The following BCAS3 variants were observed in gnomAD, a reference collection of about 807,000 sequenced individuals.
The protein encoded by BCAS3 is BCAS3 microtubule associated cell migration factor.
Under a neutral mutation model 116.1 loss-of-function variants are expected in BCAS3, and 53 were observed. The observed-to-expected ratio is 0.46, with a 90% CI of 0.37 to 0.57. The LOEUF (loss-of-function observed/expected upper bound fraction) is 0.57. Among genes scored for constraint, BCAS3 ranks in the 20% least tolerant of loss-of-function variants. The pLI, the probability that BCAS3 is intolerant of heterozygous loss-of-function variation, is 0.00. For synonymous variants in BCAS3, 391 were observed against 408.2 expected (o/e 0.96, Z 0.51); for missense variants, 917 against 1,165.4 (o/e 0.79, Z 3.10).
At chr17:60,708,096 G>A (rs1396188683) in intron 4 of BCAS3, among the ~76,000 whole-genome samples, 1 of 152,072 alleles carries the variant, frequency 6.6e-6, no homozygotes, top group East Asian at 1.9e-4. Flanking sequence ...AGCCGAGGCA[G>A]GTGGATTGCT....
intron 7 of BCAS3, among the ~76,000 whole-genome samples, chr17:60,820,629 A>G (rs915014608): frequency 6.6e-6 from 1 of 152,248 alleles, no homozygotes; most frequent in Non-Finnish European, 1.5e-5. Flanking sequence ...TAGAACATTT[A>G]AAAGTTGTTT....
chr17:61,078,617 C>T (rs2072249443), intron 21 of BCAS3, 88 bp downstream of exon 21: 3 of 1,161,042 alleles, frequency 2.6e-6, no homozygotes, highest in South Asian at 3.1e-5. Flanking sequence ...TTAGGTTTCC[C>T]CTTTTGGCAC....
rs1416167135 is a variant in BCAS3, at chr17:61,356,678, G to A, written c.2426-11649G>A. On this transcript the variant is annotated intron_variant, in intron 22 of 23. Transcript: ENST00000407086. The surrounding 1 kb of genome is among the most constrained non-coding windows in gnomAD (Gnocchi z 5.4). Reference sequence around the variant, plus strand: ...GTAGGCAGGGGAGACAAAGAGGACAGGTAAAGGGACTTGATTTTAAAATCA... The same window carrying A: ...GTAGGCAGGGGAGACAAAGAGGACAAGTAAAGGGACTTGATTTTAAAATCA... Among the ~76,000 whole-genome samples, 1 of 152,222 alleles carries A rather than the reference G, an allele frequency of 6.6e-6. No individual in the cohort carries two copies. The highest frequency in any genetic ancestry group is 1.5e-5 in the Non-Finnish European group (1 of 68,046).
At chr17:60,952,637 T>C (rs761274040) in intron 14 of BCAS3, among the ~76,000 whole-genome samples, 2 of 152,110 alleles carry the variant, frequency 1.3e-5, no homozygotes, top group Non-Finnish European at 2.9e-5. Context: ...TTATTTTAAG[T>C]TCAGGGGTAC....
At position 61,391,847 on chromosome 17, in the gene BCAS3, G is replaced by A. The variant is rs189567255; in HGVS notation, c.2594-130G>A. The A allele has an allele frequency of 4.6e-4, 450 of 988,300 alleles. 1 individual carries two copies. The highest frequency in any genetic ancestry group is 3.1e-3 in the Middle Eastern group (13 of 4,128). 61.2% of individuals were successfully genotyped at this position (988,300 alleles called of 1,614,324 possible). A position where few individuals can be genotyped will look rare whatever the true frequency, so the allele number is the denominator to read the frequency against. ...CCCCCTGCCCATCCAGGGAGCAGGC[G>A]GGGATCCCCCTGCGGAAGGACACAA... On this transcript the variant is annotated intron_variant, in intron 23 of 23. Coordinates refer to ENST00000407086, the MANE Select transcript of BCAS3 (RefSeq NM_017679.5). The surrounding 1 kb of genome is among the most constrained non-coding windows in gnomAD (Gnocchi z 7.7).
chr17:60,858,246 G>C (rs1395489154), intron 7 of BCAS3, among the ~76,000 whole-genome samples: 1 of 152,128 alleles, frequency 6.6e-6, no homozygotes, highest in Non-Finnish European at 1.5e-5. Flanking sequence ...ATGCATTTGT[G>C]TAACTACCAT....
rs1366064532 is a variant in BCAS3 at position 61,095,225 on chromosome 17, GA to G, written c.2425+10662del. Among the ~76,000 whole-genome samples, 1 of 152,178 alleles carries G rather than the reference GA, an allele frequency of 6.6e-6. No homozygotes were observed. Among genetic ancestry groups the G allele is most frequent in the African/African-American group, 2.4e-5 (1 of 41,448 alleles). On this transcript the variant is annotated intron_variant, in intron 22 of 23. Coordinates refer to ENST00000407086, the MANE Select transcript of BCAS3 (RefSeq NM_017679.5). This position sits in a 1 kb window ranked among gnomAD's most constrained non-coding sequence, Gnocchi z 4.7. ...TCAACCAAAACAGCATATCAGAACA[GA>G]TAGAATGCAATAGCAGATATGAGAA...
intron 5 of BCAS3, among the ~76,000 whole-genome samples, chr17:60,745,181 T>C (rs867211927): frequency 6.6e-6 from 1 of 152,028 alleles, no homozygotes. Context: ...ATACTATAAT[T>C]TATTATAAGT....
Position 60,911,123 on chromosome 17 carries a change from C to CTTTCTTTT in BCAS3, c.993+424_993+425insCTTTTTTT, listed in dbSNP as rs1486274901. Among the ~76,000 whole-genome samples the CTTTCTTTT allele has an allele frequency of 1.5e-4, 13 of 88,268 alleles. 1 individual carries two copies. The highest frequency in any genetic ancestry group is 5.0e-4 in the African/African-American group (11 of 22,212). 57.9% of individuals were successfully genotyped at this position (88,268 alleles called of 152,430 possible). The stretch of plus-strand genomic sequence containing the variant: ...AATAAATTTTTTTCTTTTTTTCTTT[C>CTTTCTTTT]TTTTTTTTTTTTTTTTTGAGATGGA... On this transcript the variant is annotated intron_variant, in intron 12 of 23. Transcript: ENST00000407086.
chr17:61,042,318 C>A (rs1032513698), intron 19 of BCAS3, among the ~76,000 whole-genome samples: 3 of 151,926 alleles, frequency 2.0e-5, no homozygotes, highest in African/African-American at 7.2e-5. Context: ...CCTATTAAGT[C>A]TATTTAATAG....
intron 13 of BCAS3, among the ~76,000 whole-genome samples, chr17:60,928,965 C>T (rs1241630030): frequency 1.3e-5 from 2 of 152,162 alleles, no homozygotes; most frequent in Admixed American, 1.3e-4. Context: ...TTTGTAAATG[C>T]ATAGATACCT....
In BCAS3 at chr17:61,354,895, A is replaced by G. The variant is rs1035604469; in HGVS notation, c.2426-13432A>G. ...GGTCAACTCCAGTACCGGCAGGCAC[A>G]TCCGGGACCCTCCCCTTCAGGGCAG... On this transcript the variant is annotated intron_variant, in intron 22 of 23. Coordinates refer to ENST00000407086, the MANE Select transcript of BCAS3 (RefSeq NM_017679.5). The surrounding 1 kb of genome is among the most constrained non-coding windows in gnomAD (Gnocchi z 4.5). 4 of 152,294 alleles carry G rather than the reference A, an allele frequency of 2.6e-5. No individual in the cohort carries two copies. The highest frequency in any genetic ancestry group is 4.4e-5 in the Non-Finnish European group (3 of 68,100). The allele number at this position is 152,294 out of a possible 1,614,324, so 9.4% of individuals were successfully genotyped here.
intron 22 of BCAS3, among the ~76,000 whole-genome samples, chr17:61,085,108 A>G (rs2072974657): frequency 6.6e-6 from 1 of 152,204 alleles, no homozygotes; most frequent in South Asian, 2.1e-4. Flanking sequence ...ACAGAGAAGG[A>G]GATCTTTGCC....
At chr17:61,318,994 TC>T (rs1317692180) in intron 22 of BCAS3, among the ~76,000 whole-genome samples, 4 of 152,260 alleles carry the variant, frequency 2.6e-5, no homozygotes, top group Non-Finnish European at 4.4e-5. Context: ...AGCCATGTGA[TC>T]TTGAGCAAGC....
At chr17:61,153,410 T>C (rs2077650199) in intron 22 of BCAS3, among the ~76,000 whole-genome samples, 1 of 152,206 alleles carries the variant, frequency 6.6e-6, no homozygotes, top group Non-Finnish European at 1.5e-5. Context: ...TTACCTCTTT[T>C]TCTCTGTTTT....
rs569868469 is a variant in BCAS3, at chr17:61,029,144, G to C, written c.1638-5522G>C. 6.6e-6 allele frequency among the ~76,000 whole-genome samples: 1 copy of C among 151,878 alleles called. No homozygotes were observed. Among genetic ancestry groups the C allele is most frequent in the African/African-American group, 2.4e-5 (1 of 41,420 alleles). On this transcript the variant is annotated intron_variant, in intron 16 of 23. Transcript: ENST00000407086. This position sits in a 1 kb window ranked among gnomAD's most constrained non-coding sequence, Gnocchi z 5.2. ...AATATATGTATTTTGGATGAAAAAT[G>C]AAATTTTTAAATGAAATGTAAATTT...
Position 60,933,721 on chromosome 17 carries a change from A to G in BCAS3, c.1087+9221A>G, listed in dbSNP as rs545045209. On this transcript the variant is annotated intron_variant, in intron 13 of 23. Transcript: ENST00000407086. ...ATGTCTTGATTTATTTTTAACATCT[A>G]TAATGCATCACAGATCTACAGCATA... Among the ~76,000 whole-genome samples, 9 of 152,360 alleles carry G rather than the reference A, an allele frequency of 5.9e-5. No homozygotes were observed. In the South Asian group the frequency reaches 1.2e-3, roughly 21 times the overall value.
chr17:61,374,187 C>CT (rs547428310), intron 23 of BCAS3, among the ~76,000 whole-genome samples: 356 of 132,356 alleles, frequency 2.7e-3, no homozygotes, highest in South Asian at 0.01. Flanking sequence ...TGTTAACTTC[C>CT]TTTTTTTTTT....
chr17:60,706,250 G>A (rs1163308908), intron 4 of BCAS3, among the ~76,000 whole-genome samples: 1 of 151,934 alleles, frequency 6.6e-6, no homozygotes, highest in Non-Finnish European at 1.5e-5. Context: ...TTTTAGTAGA[G>A]ATGGGGTTTC....
Sources: allele counts gnomAD v4.1 joint callset (sites outside exome capture counted in the v4.1 genomes callset), GRCh38; gene constraint gnomAD v4.1.1; non-coding constraint Gnocchi (gnomAD v3.1); transcripts MANE v1.5; gene names NCBI Gene and HGNC (gene_info 2026-07-23, HGNC 2026-07-21).